Variants in XPNPEP3 observed in about 807,000 individuals in gnomAD.
XPNPEP3 encodes the protein X-prolyl aminopeptidase 3, also known as xaa-Pro aminopeptidase 3.
XPNPEP3 carries 41 observed loss-of-function variants against 60.0 expected under a neutral mutation model. That is an observed-to-expected ratio of 0.68 (90% CI 0.53 to 0.89). The LOEUF (loss-of-function observed/expected upper bound fraction) is 0.89, where lower values mean the gene tolerates loss of function less well. XPNPEP3 is among the 40% of genes least tolerant of loss of function. The pLI is 0.00. For missense variants in XPNPEP3, 598 were observed against 638.9 expected (o/e 0.94, Z 0.69); for synonymous variants, 212 against 223.2 (o/e 0.95, Z 0.45).
chr22:40,924,291 A>C, intron 8 of XPNPEP3, 71 bp from the exon 9 acceptor site: 1 of 1,602,172 alleles, frequency 6.2e-7, no homozygotes, highest in Non-Finnish European at 8.5e-7. Flanking sequence ...TATCTCACTG[A>C]TTTATACTTG....
At chr22:40,910,062 T>C (rs1381808901) in intron 6 of XPNPEP3, among the ~76,000 whole-genome samples, 1 of 151,710 alleles carries the variant, frequency 6.6e-6, no homozygotes, top group Admixed American at 6.6e-5. Flanking sequence ...ATTTCTTTAC[T>C]GATTTAGTAT....
chr22:40,888,622 C>T (rs192860034), intron 4 of XPNPEP3: 24 of 171,768 alleles, frequency 1.4e-4, no homozygotes, highest in Admixed American at 8.8e-4. Flanking sequence ...CATTGATAAA[C>T]ATTTGGTTTC....
intron 6 of XPNPEP3, among the ~76,000 whole-genome samples, chr22:40,912,941 C>A (rs1285301814): frequency 2.0e-5 from 3 of 152,020 alleles, no homozygotes; most frequent in Non-Finnish European, 4.4e-5. Flanking sequence ...GAAATTTATT[C>A]CATCTTTTGC....
chr22:40,918,009 TAAAAAAA>T (rs34474574), intron 7 of XPNPEP3, among the ~76,000 whole-genome samples: 7 of 124,944 alleles, frequency 5.6e-5, no homozygotes, highest in Middle Eastern at 4.1e-3. Context: ...AGACTCTGTC[TAAAAAAA>T]AAAAAAAAAA....
intron 1 of XPNPEP3, chr22:40,862,410 A>G: frequency 2.0e-6 from 2 of 989,488 alleles, no homozygotes; most frequent in Non-Finnish European, 2.4e-6. Flanking sequence ...CTGCGCCTTA[A>G]TTGCTTCCCA....
chr22:40,879,491 A>G (rs1188191197), intron 2 of XPNPEP3, among the ~76,000 whole-genome samples: 1 of 152,212 alleles, frequency 6.6e-6, no homozygotes, highest in Non-Finnish European at 1.5e-5. Context: ...AGATTGCTTG[A>G]GGCCGGGAGT....
intron 2 of XPNPEP3, among the ~76,000 whole-genome samples, chr22:40,880,469 G>C (rs550457805): frequency 6.6e-5 from 10 of 150,636 alleles, no homozygotes; most frequent in Non-Finnish European, 1.3e-4. Context: ...GATTTTGTGA[G>C]AGTTGAGAAA....
chr22:40,864,772 G>A (rs1387752525), intron 1 of XPNPEP3, among the ~76,000 whole-genome samples: 1 of 152,060 alleles, frequency 6.6e-6, no homozygotes, highest in Non-Finnish European at 1.5e-5. Flanking sequence ...TAACCTACCT[G>A]TTTTATTAGC....
At chr22:40,922,035 C>T (rs1341148051) in intron 7 of XPNPEP3, among the ~76,000 whole-genome samples, 2 of 151,976 alleles carry the variant, frequency 1.3e-5, no homozygotes, top group African/African-American at 2.4e-5. Flanking sequence ...GGCTGAGCCT[C>T]ATCTGCCCAC....
chr22:40,857,804 A>G lies in XPNPEP3; in HGVS notation c.64+559A>G, dbSNP rs1016367605. ...AATCTGATGAACATAAAGCTTAATC[A>G]GTGAAAACTGAATCACCTTCCTTGC... On this transcript the variant is annotated intron_variant, in intron 1 of 9. Transcript: ENST00000357137. Among the ~76,000 whole-genome samples the G allele has an allele frequency of 5.9e-5, 9 of 152,370 alleles. No homozygotes were observed. The East Asian group carries it at 1.7e-3, about 29-fold the overall frequency.
chr22:40,899,448 A>G (rs934324044), intron 4 of XPNPEP3, among the ~76,000 whole-genome samples: 6 of 152,190 alleles, frequency 3.9e-5, no homozygotes, highest in Non-Finnish European at 5.9e-5. Flanking sequence ...ATTTCAAAGC[A>G]TGTGCCATAT....
chr22:40,914,436 A>C, intron 7 of XPNPEP3, 112 bp downstream of exon 7: 1 of 921,940 alleles, frequency 1.1e-6, no homozygotes, highest in Non-Finnish European at 1.7e-6. Context: ...TTCCTGGTCA[A>C]GTTAGGTTGC....
chr22:40,880,334 G>T (rs954616277), intron 2 of XPNPEP3, among the ~76,000 whole-genome samples: 1 of 151,872 alleles, frequency 6.6e-6, no homozygotes, highest in African/African-American at 2.4e-5. Context: ...TATACCAAAC[G>T]ACTTGAAGGA....
intron 4 of XPNPEP3, among the ~76,000 whole-genome samples, chr22:40,905,427 A>C (rs1228792789): frequency 6.6e-6 from 1 of 152,284 alleles, no homozygotes; most frequent in East Asian, 1.9e-4. Flanking sequence ...TTTACTGAAC[A>C]CCAACTGTGT....
At chr22:40,879,503 C>T (rs1002515806) in intron 2 of XPNPEP3, among the ~76,000 whole-genome samples, 4 of 152,208 alleles carry the variant, frequency 2.6e-5, no homozygotes, top group African/African-American at 2.4e-5. Context: ...GCCGGGAGTT[C>T]GAGACCAGCC....
chr22:40,881,678 T>C (rs1569019918), intron 2 of XPNPEP3, 92 bp from the exon 3 acceptor site: 9 of 1,439,252 alleles, frequency 6.3e-6, no homozygotes, highest in African/African-American at 1.4e-5. Context: ...AATTGAACAA[T>C]TGGACTTGAG....
intron 1 of XPNPEP3, chr22:40,861,185 T>C (rs1232787442): frequency 6.2e-7 from 1 of 1,614,172 alleles, no homozygotes; most frequent in Non-Finnish European, 8.5e-7. Flanking sequence ...TAACCCAAGA[T>C]ATACCTCCCT....
At chr22:40,861,594 G>T in intron 1 of XPNPEP3, 2 of 1,613,102 alleles carry the variant, frequency 1.2e-6, no homozygotes, top group Non-Finnish European at 1.7e-6. Flanking sequence ...AAAGTATCCT[G>T]CATCTCTGTT....
At chr22:40,907,093 C>T (rs1346265158) in intron 4 of XPNPEP3, 3 of 456,172 alleles carry the variant, frequency 6.6e-6, no homozygotes, top group African/African-American at 6.0e-5. Flanking sequence ...GGAGGGGACA[C>T]ATTCAAGTCA....
Sources: gnomAD v4.1 joint callset for allele counts (sites outside exome capture counted in the v4.1 genomes callset) on GRCh38, gnomAD v4.1.1 for gene constraint, MANE v1.5 for transcripts, NCBI Gene and HGNC (gene_info 2026-07-23, HGNC 2026-07-21) for gene names.